The following ZNF844 variants were observed in gnomAD, a reference collection of about 807,000 sequenced individuals.
The protein encoded by ZNF844 is zinc finger protein 844.
ZNF844 carries 11 observed loss-of-function variants against 11.4 expected under a neutral mutation model. That is an observed-to-expected ratio of 0.97 (90% CI 0.61 to 1.60). ZNF844 has a LOEUF of 1.60. ZNF844 is among the 40% of genes most tolerant of loss of function. ZNF844 has a pLI of 0.00. For synonymous variants in ZNF844, 248 were observed against 260.3 expected, an observed-to-expected ratio of 0.95 and a Z score of 0.46; for missense variants, 790 against 796.8, an observed-to-expected ratio of 0.99 and a Z score of 0.10.
intron 1 of ZNF844, 90 bp downstream of exon 1, chr19:12,064,966 C>A: frequency 7.1e-7 from 1 of 1,403,800 alleles, no homozygotes; most frequent in Non-Finnish European, 9.6e-7. Flanking sequence ...TGTGCCGGGA[C>A]CCGGACCTCC....
At chr19:12,070,637 G>A (rs1325735793) in intron 1 of ZNF844, among the ~76,000 whole-genome samples, 3 of 152,204 alleles carry the variant, frequency 2.0e-5, no homozygotes, top group Admixed American at 6.6e-5. Context: ...ATATGAATTA[G>A]GGTCTCAAGT....
At chr19:12,065,319 C>T (rs965335754) in intron 1 of ZNF844, among the ~76,000 whole-genome samples, 1 of 152,138 alleles carries the variant, frequency 6.6e-6, no homozygotes, top group African/African-American at 2.4e-5. Flanking sequence ...GCGTGAGCCA[C>T]CGCGCCTGGC....
At chr19:12,067,094 G>A (rs1373031472) in intron 1 of ZNF844, among the ~76,000 whole-genome samples, 2 of 152,080 alleles carry the variant, frequency 1.3e-5, no homozygotes, top group Non-Finnish European at 2.9e-5. Flanking sequence ...CAGCTACTCC[G>A]GAGGCTGAGG....
chr19:12,065,400 C>T (rs190717766), intron 1 of ZNF844, among the ~76,000 whole-genome samples: 1 of 152,190 alleles, frequency 6.6e-6, no homozygotes. Context: ...TTGGCAACTG[C>T]TGTCGTGTTT....
chr19:12,077,406 T>C lies in ZNF844; in HGVS notation c.*285T>C, dbSNP rs371211937. The C allele has an allele frequency of 1.4e-6, 1 of 698,918 alleles. No homozygotes were observed. 43.3% of individuals were successfully genotyped at this position (698,918 alleles called of 1,614,324 possible). ...TGAGTGTAAGCAGTGTGGTAAAGCC[T>C]TCATGTCTTCTACTGCATTTCAGTA... On this transcript the variant is annotated 3_prime_UTR_variant, in exon 4 of 4. Coordinates refer to ENST00000439326, the MANE Select transcript of ZNF844 (RefSeq NM_001136501.3).
chr19:12,068,082 T>G (rs1044647468), intron 1 of ZNF844, among the ~76,000 whole-genome samples: 1 of 151,934 alleles, frequency 6.6e-6, no homozygotes, highest in African/African-American at 2.4e-5. Context: ...CGAGGGGTTG[T>G]GGGATCCTTT....
At position 12,077,398 on chromosome 19, in the gene ZNF844, G is replaced by A. The variant is rs1449701056; in HGVS notation, c.*277G>A. On this transcript the variant is annotated 3_prime_UTR_variant, in exon 4 of 4. Coordinates refer to ENST00000439326, the MANE Select transcript of ZNF844 (RefSeq NM_001136501.3). ...AAACAGTATGAGTGTAAGCAGTGTG[G>A]TAAAGCCTTCATGTCTTCTACTGCA... is the stretch of plus-strand genomic sequence containing the variant. 3 of 721,634 alleles carry A rather than the reference G, an allele frequency of 4.2e-6. No individual in the cohort carries two copies. In the African/African-American group the frequency reaches 5.2e-5, roughly 13 times the overall value. The allele number at this position is 721,634 out of a possible 1,614,324, so 44.7% of individuals were successfully genotyped here.
At chr19:12,066,530 CTTTTTTTTTTTT>C (rs80186949) in intron 1 of ZNF844, among the ~76,000 whole-genome samples, 14 of 92,316 alleles carry the variant, frequency 1.5e-4, no homozygotes, top group Non-Finnish European at 5.9e-5. Context: ...TAAATGTCTT[CTTTTTTTTTTTT>C]TTTTTTTTTT....
rs1034366181 is a variant in ZNF844, at chr19:12,065,002, C to T, written c.3+126C>T. ...CCGCGGCGACTCGAGGTCTGGGGCC[C>T]GAGCCCCGCTGGCGCAGCTCGGCCT... On this transcript the variant is annotated intron_variant, in intron 1 of 3. Coordinates refer to ENST00000439326, the MANE Select transcript of ZNF844 (RefSeq NM_001136501.3). 3.9e-6 allele frequency: 4 copies of T among 1,038,858 alleles called. No individual in the cohort carries two copies. In the African/African-American group the frequency reaches 6.7e-5, roughly 17 times the overall value. The allele number at this position is 1,038,858 out of a possible 1,614,324, so 64.4% of individuals were successfully genotyped here. A position where few individuals can be genotyped will look rare whatever the true frequency, so the allele number is the denominator to read the frequency against.
At chr19:12,071,024 C>T (rs971993554) in intron 1 of ZNF844, among the ~76,000 whole-genome samples, 5 of 152,106 alleles carry the variant, frequency 3.3e-5, no homozygotes, top group African/African-American at 1.2e-4. Flanking sequence ...AAAAGCTAGT[C>T]AGGAAGTGGG....
Position 12,078,592 on chromosome 19 carries a change from A to T in ZNF844, c.*1471A>T, listed in dbSNP as rs939290886. 1 of 152,226 alleles carries T rather than the reference A, an allele frequency of 6.6e-6. No individual in the cohort carries two copies. Among genetic ancestry groups the T allele is most frequent in the Non-Finnish European group, 1.5e-5 (1 of 68,048 alleles). 9.4% of individuals were successfully genotyped at this position (152,226 alleles called of 1,614,324 possible). On this transcript the variant is annotated 3_prime_UTR_variant, in exon 4 of 4. Transcript: ENST00000439326. The stretch of plus-strand genomic sequence containing the variant: ...TTTCCTCATGTAAATTTTAATTTTC[A>T]TGCTTATATACTTAGAACATTTATC...
At chr19:12,073,973 T>C (rs987516804) in intron 1 of ZNF844, 58 bp from the exon 2 acceptor site, 47 of 1,572,390 alleles carry the variant, frequency 3.0e-5, no homozygotes, top group Non-Finnish European at 3.7e-5. Context: ...GAAGAGGGTA[T>C]AGACCCCCAG....
chr19:12,068,867 C>T (rs1485944143), intron 1 of ZNF844, among the ~76,000 whole-genome samples: 1 of 152,088 alleles, frequency 6.6e-6, no homozygotes, highest in African/African-American at 2.4e-5. Flanking sequence ...AGACCTGAGC[C>T]CAGTGACTGC....
chr19:12,075,669 C>T lies in ZNF844; in HGVS notation c.549C>T (p.Ser183=). 1.9e-6 allele frequency: 3 copies of T among 1,611,784 alleles called. No homozygotes were observed. The highest frequency in any genetic ancestry group is 2.5e-6 in the Non-Finnish European group (3 of 1,179,358). Residue 183 remains serine (S), a synonymous_variant, in exon 4 of 4, where the codon AGC becomes AGT. Coordinates refer to ENST00000439326, the MANE Select transcript of ZNF844 (RefSeq NM_001136501.3). ...GAAAAACCTTCATATCCCATTCAAG[C>T]ATTCAAAGACACATGATAATGCACA... is the stretch of plus-strand genomic sequence containing the variant. ...ECGKTFISHS[S]IQRHMIMHNG...
At position 12,077,162 on chromosome 19, in the gene ZNF844, T is replaced by C; in HGVS notation, c.*41T>C. 6.2e-7 allele frequency: 1 copy of C among 1,604,078 alleles called. No individual in the cohort carries two copies. The highest frequency in any genetic ancestry group is 1.3e-5 in the African/African-American group (1 of 74,642). ...AGGAATGTGGCAAAGCCTTCACTTC[T>C]TCTGGTTCCTTTCAGTGTCATAAAA... On this transcript the variant is annotated 3_prime_UTR_variant, in exon 4 of 4. Coordinates refer to ENST00000439326, the MANE Select transcript of ZNF844 (RefSeq NM_001136501.3).
In ZNF844 at chr19:12,080,688, C is replaced by CT. The variant is rs1321247924; in HGVS notation, c.*3568dup. 2 of 152,776 alleles carry CT rather than the reference C, an allele frequency of 1.3e-5. No homozygotes were observed. The highest frequency in any genetic ancestry group is 2.9e-5 in the Non-Finnish European group (2 of 68,374). 9.5% of individuals were successfully genotyped at this position (152,776 alleles called of 1,614,324 possible). On this transcript the variant is annotated 3_prime_UTR_variant, in exon 4 of 4. Transcript: ENST00000439326. ...AGGGCAAATTGAAGAGAAATAAAGACTAAGATATTTTTTTAAAAGACTGAA... is the reference window on the plus strand; with the variant it reads ...AGGGCAAATTGAAGAGAAATAAAGACTTAAGATATTTTTTTAAAAGACTGAA...
chr19:12,066,893 C>G (rs1975695151), intron 1 of ZNF844, among the ~76,000 whole-genome samples: 1 of 152,076 alleles, frequency 6.6e-6, no homozygotes, highest in Admixed American at 6.6e-5. Flanking sequence ...GTAATTAAGG[C>G]AGCTTGAAAG....
chr19:12,072,127 C>T (rs1408905270), intron 1 of ZNF844, among the ~76,000 whole-genome samples: 2 of 152,106 alleles, frequency 1.3e-5, no homozygotes, highest in East Asian at 3.8e-4. Context: ...CCTCGTGATC[C>T]ACTCTGCCTC....
intron 1 of ZNF844, among the ~76,000 whole-genome samples, chr19:12,071,723 A>G (rs2145544833): frequency 6.6e-6 from 1 of 150,948 alleles, no homozygotes; most frequent in East Asian, 1.9e-4. Context: ...ACTTGGTACA[A>G]TAATTTATTA....
Sources: allele counts gnomAD v4.1 joint callset (sites outside exome capture counted in the v4.1 genomes callset), GRCh38; gene constraint gnomAD v4.1.1; transcripts MANE v1.5; gene names NCBI Gene and HGNC (gene_info 2026-07-23, HGNC 2026-07-21).